Variants in ALDH7A1 observed in about 807,000 individuals in gnomAD.
ALDH7A1 encodes alpha-aminoadipic semialdehyde dehydrogenase.
In ALDH7A1, 63 loss-of-function variants were observed where a neutral mutation model predicts 79.9. That is an observed-to-expected ratio of 0.79 (90% CI 0.64 to 0.97). The LOEUF (loss-of-function observed/expected upper bound fraction) is 0.97. Ranked by LOEUF, ALDH7A1 falls within the 50% of genes least tolerant of loss-of-function variation. The probability of loss-of-function intolerance (pLI) is 0.00; values close to 1 mark genes in which losing one functional copy is unlikely to be tolerated. For missense variants in ALDH7A1, 627 were observed against 665.2 expected (o/e 0.94, Z 0.63); for synonymous variants, 240 against 231.2 (o/e 1.04, Z -0.34).
chr5:126,556,050 A>G (rs1160861395), intron 11 of ALDH7A1, 35 bp from the exon 12 acceptor site: 1 of 1,392,432 alleles, frequency 7.2e-7, no homozygotes, highest in African/African-American at 1.4e-5. Flanking sequence ...GCATAGTATG[A>G]TAAATGCACA....
intron 7 of ALDH7A1, among the ~76,000 whole-genome samples, chr5:126,573,451 G>C (rs1482430128): frequency 6.6e-6 from 1 of 152,046 alleles, no homozygotes; most frequent in Non-Finnish European, 1.5e-5. Context: ...TGTAATCCCA[G>C]CACTTTGGGA....
chr5:126,582,633 C>T, intron 5 of ALDH7A1: 1 of 571,602 alleles, frequency 1.7e-6, no homozygotes, highest in Non-Finnish European at 3.0e-6. Flanking sequence ...TACCCGTGGA[C>T]TTGCCAACAT....
At chr5:126,576,969 TGTG>T (rs1009013327) in intron 6 of ALDH7A1, 107 bp downstream of exon 6, 6 of 1,356,338 alleles carry the variant, frequency 4.4e-6, no homozygotes, top group Non-Finnish European at 5.3e-6. Flanking sequence ...AGAAGCCAGG[TGTG>T]GTGATGCACA....
rs66822510 is a variant in ALDH7A1, at chr5:126,568,063, A to C, written c.871+196T>G. ...CTCCCAAAGTGCTGGGATTTTCATA[A>C]ATTTTGGTATTTAAATTTAGGACTT... On this transcript the variant is annotated intron_variant, in intron 9 of 17. Coordinates refer to ENST00000409134, the MANE Select transcript of ALDH7A1 (RefSeq NM_001182.5). The C allele has an allele frequency of 0.12, 67,766 of 544,692 alleles. 9,245 individuals are homozygous for C. Among genetic ancestry groups the C allele is most frequent in the African/African-American group, 0.52 (27,418 of 52,512 alleles). 33.7% of individuals were successfully genotyped at this position (544,692 alleles called of 1,614,324 possible).
In ALDH7A1 at chr5:126,582,669, G is replaced by T. The variant is rs1209701106; in HGVS notation, c.517+182C>A. 4 of 743,306 alleles carry T rather than the reference G, an allele frequency of 5.4e-6. No individual in the cohort carries two copies. In the East Asian group the frequency reaches 8.5e-5, roughly 16 times the overall value. The allele number at this position is 743,306 out of a possible 1,614,324, so 46.0% of individuals were successfully genotyped here. On this transcript the variant is annotated intron_variant, in intron 5 of 17. Transcript: ENST00000409134. ...TAAGTTTTATCTTTAAAACAAAAAG[G>T]TTCTTGATCTAACATTTTCATCTGT...
chr5:126,560,932 C>T, intron 10 of ALDH7A1, 151 bp downstream of exon 10: 1 of 826,286 alleles, frequency 1.2e-6, no homozygotes, highest in Non-Finnish European at 2.0e-6. Context: ...AGCTTGTGTC[C>T]TGTCTCCCAA....
intron 17 of ALDH7A1, among the ~76,000 whole-genome samples, chr5:126,545,831 A>G (rs1749767209): frequency 6.6e-6 from 1 of 151,166 alleles, no homozygotes; most frequent in South Asian, 2.1e-4. Context: ...TGCAAGAAAC[A>G]GCCCAGCATG....
intron 14 of ALDH7A1, among the ~76,000 whole-genome samples, chr5:126,551,551 G>A (rs554288029): frequency 9.2e-5 from 14 of 152,192 alleles, no homozygotes; most frequent in Non-Finnish European, 1.8e-4. Context: ...TCGAACTCCT[G>A]ACCTCAGGTG....
intron 16 of ALDH7A1, among the ~76,000 whole-genome samples, chr5:126,546,918 A>G (rs1425740415): frequency 6.6e-6 from 1 of 152,208 alleles, no homozygotes; most frequent in Non-Finnish European, 1.5e-5. Flanking sequence ...GGTCTTTCTC[A>G]TGAGAGGGAA....
chr5:126,575,528 T>C lies in ALDH7A1; in HGVS notation c.651-64A>G, dbSNP rs150124743. 115 of 1,435,966 alleles carry C rather than the reference T, an allele frequency of 8.0e-5. No homozygotes were observed. The East Asian group carries it at 2.6e-3, about 32-fold the overall frequency. 89.0% of individuals were successfully genotyped at this position (1,435,966 alleles called of 1,614,324 possible). The stretch of plus-strand genomic sequence containing the variant: ...TATTTGACGGAAACCATAAATACCT[T>C]TTATTATCAAACAGAAGCAAAAGTG... On this transcript the variant is annotated intron_variant, in intron 6 of 17. Coordinates refer to ENST00000409134, the MANE Select transcript of ALDH7A1 (RefSeq NM_001182.5).
intron 8 of ALDH7A1, chr5:126,568,605 G>A (rs1750673018): frequency 2.0e-6 from 1 of 498,356 alleles, no homozygotes; most frequent in South Asian, 2.0e-5. Flanking sequence ...AGTTGTTAGG[G>A]AAGAAAGTCT....
chr5:126,571,474 C>T (rs1298917797), intron 7 of ALDH7A1, among the ~76,000 whole-genome samples: 1 of 114,960 alleles, frequency 8.7e-6, no homozygotes, highest in Admixed American at 9.4e-5. Flanking sequence ...GACTGTATCT[C>T]AAAAAAAAAA....
chr5:126,546,103 G>A (rs1032080776), intron 17 of ALDH7A1, among the ~76,000 whole-genome samples: 8 of 152,124 alleles, frequency 5.3e-5, no homozygotes, highest in Admixed American at 1.3e-4. Context: ...CAGAAACCAC[G>A]CACGAGACCA....
intron 3 of ALDH7A1, among the ~76,000 whole-genome samples, chr5:126,589,913 C>G (rs879903368): frequency 3.3e-5 from 5 of 151,328 alleles, no homozygotes; most frequent in Non-Finnish European, 5.9e-5. Flanking sequence ...GCACCTCTGC[C>G]CAGCTGCCCA....
At chr5:126,573,427 C>T (rs897179243) in intron 7 of ALDH7A1, among the ~76,000 whole-genome samples, 4 of 151,934 alleles carry the variant, frequency 2.6e-5, no homozygotes, top group East Asian at 1.9e-4. Flanking sequence ...TAGCTGGGCA[C>T]GGTGGCTCAC....
intron 9 of ALDH7A1, 130 bp downstream of exon 9, chr5:126,568,129 A>T: frequency 1.2e-6 from 1 of 830,816 alleles, no homozygotes; most frequent in Non-Finnish European, 2.0e-6. Context: ...CTTTTCTTTT[A>T]CTTAGACATT....
At chr5:126,545,521 C>G (rs1376787648) in intron 17 of ALDH7A1, among the ~76,000 whole-genome samples, 1 of 149,002 alleles carries the variant, frequency 6.7e-6, no homozygotes, top group African/African-American at 2.5e-5. Flanking sequence ...CCTCAGCCTC[C>G]TGAACTGCTT....
intron 3 of ALDH7A1, 110 bp from the exon 4 acceptor site, chr5:126,584,122 A>C: frequency 1.1e-6 from 1 of 941,328 alleles, no homozygotes; most frequent in Non-Finnish European, 1.7e-6. Context: ...ATCAAAGAAG[A>C]CTTTTGATCA....
Position 126,577,145 on chromosome 5 carries a change from T to G in ALDH7A1, c.584A>C (p.Asn195Thr). The change falls in exon 6 of 18, where the codon AAT (asparagine) becomes ACT (threonine). Residue 195 changes from asparagine to threonine, a missense_variant. Physicochemically the swap from Asn to Thr is moderately conservative, Grantham distance 65. Coordinates refer to ENST00000409134, the MANE Select transcript of ALDH7A1 (RefSeq NM_001182.5). ...CCAACCATACACTGCCACAGGGAAA[T>G]TGAATGCCGTGATGATTCCAACCAG... ...VGLVGIITAFNFPVAVYGWNN... is the reference protein window; with the variant it reads ...VGLVGIITAFTFPVAVYGWNN... 1 of 1,614,126 alleles carries G rather than the reference T, an allele frequency of 6.2e-7. No homozygotes were observed. Among genetic ancestry groups the G allele is most frequent in the East Asian group, 2.2e-5 (1 of 44,874 alleles).
Sources: gnomAD v4.1 joint callset for allele counts (sites outside exome capture counted in the v4.1 genomes callset) on GRCh38, gnomAD v4.1.1 for gene constraint, MANE v1.5 for transcripts, NCBI Gene and HGNC (gene_info 2026-07-23, HGNC 2026-07-21) for gene names.